Variants in HSBP1L1 observed in about 807,000 individuals in gnomAD.
The protein encoded by HSBP1L1 is heat shock factor-binding protein 1-like protein 1.
Under a neutral mutation model 9.7 loss-of-function variants are expected in HSBP1L1, and 8 were observed. The ratio of observed to expected loss-of-function variants is 0.82; its 90% CI spans 0.48 to 1.48. The LOEUF (loss-of-function observed/expected upper bound fraction) is 1.48, where lower values mean the gene tolerates loss of function less well. Among genes scored for constraint, HSBP1L1 ranks in the 40% most tolerant of loss-of-function variants. HSBP1L1 has a pLI of 0.00. For synonymous variants in HSBP1L1, 39 were observed against 34.4 expected (o/e 1.13, Z -0.46); for missense variants, 106 against 95.8 (o/e 1.11, Z -0.44).
intron 1 of HSBP1L1, among the ~76,000 whole-genome samples, chr18:79,965,750 T>G (rs1439758534): frequency 2.0e-5 from 3 of 152,080 alleles, no homozygotes; most frequent in South Asian, 2.1e-4. Context: ...GTGTGTGATC[T>G]CCTGCATTCA....
chr18:79,969,331 A>AAAGAAAGAAAGAAAGAAAG (rs1555716339), intron 3 of HSBP1L1, among the ~76,000 whole-genome samples: 1 of 71,976 alleles, frequency 1.4e-5, no homozygotes, highest in African/African-American at 5.8e-5. Flanking sequence ...GAAAGAAAGA[A>AAAGAAAGAAAGAAAGAAAG]AAAGAAAGAA....
chr18:79,965,044 AG>A (rs1415089651), intron 1 of HSBP1L1, among the ~76,000 whole-genome samples: 6 of 87,646 alleles, frequency 6.8e-5, no homozygotes, highest in Non-Finnish European at 1.1e-4. Flanking sequence ...CCTGAGGTGC[AG>A]GGGGGAGCCC....
rs561989345 is a variant in HSBP1L1, at chr18:79,970,330, C to T, written c.214-110C>T. 7.1e-6 allele frequency: 5 copies of T among 703,512 alleles called. No individual in the cohort carries two copies. In the African/African-American group the frequency reaches 8.8e-5, roughly 12 times the overall value. The allele number at this position is 703,512 out of a possible 1,614,324, so 43.6% of individuals were successfully genotyped here. On this transcript the variant is annotated intron_variant, in intron 3 of 3. Coordinates refer to ENST00000451882, the MANE Select transcript of HSBP1L1 (RefSeq NM_001136180.2). ...AGAGTCCAAATCATTATGATTTCAA[C>T]TGTACTGCAGCCACAAAGCACCAGT...
intron 3 of HSBP1L1, among the ~76,000 whole-genome samples, chr18:79,969,651 C>T (rs891359212): frequency 6.6e-6 from 1 of 152,212 alleles, no homozygotes; most frequent in Non-Finnish European, 1.5e-5. Flanking sequence ...GACACCTAAC[C>T]AAGTTTCCTG....
At chr18:79,967,982 A>T in intron 2 of HSBP1L1, 107 bp from the exon 3 acceptor site, 1 of 630,304 alleles carries the variant, frequency 1.6e-6, no homozygotes, top group Non-Finnish European at 2.8e-6. Context: ...TGATTCCCTC[A>T]TTTCAAAAGT....
intron 3 of HSBP1L1, among the ~76,000 whole-genome samples, chr18:79,969,537 G>A (rs556247619): frequency 6.6e-6 from 1 of 152,148 alleles, no homozygotes; most frequent in Non-Finnish European, 1.5e-5. Context: ...TTTTGGGTGT[G>A]GTCTGTTCAG....
chr18:79,967,147 C>CAAAAAAAAAAAAAA (rs5826682), intron 2 of HSBP1L1, among the ~76,000 whole-genome samples: 1 of 105,196 alleles, frequency 9.5e-6, no homozygotes, highest in African/African-American at 3.7e-5. Flanking sequence ...GACTCCGTCT[C>CAAAAAAAAAAAAAA]AAAAAAAAAA....
At chr18:79,968,525 T>C (rs1568356061) in intron 3 of HSBP1L1, among the ~76,000 whole-genome samples, 1 of 152,048 alleles carries the variant, frequency 6.6e-6, no homozygotes, top group Non-Finnish European at 1.5e-5. Context: ...GGGGTTTCAC[T>C]ATGTTGGCCA....
intron 1 of HSBP1L1, among the ~76,000 whole-genome samples, chr18:79,965,146 G>C (rs1202482275): frequency 6.6e-6 from 1 of 152,058 alleles, no homozygotes; most frequent in African/African-American, 2.4e-5. Context: ...CGGGGTCAGT[G>C]GGGAAACAAC....
chr18:79,964,995 GC>G (rs2051249620), intron 1 of HSBP1L1, among the ~76,000 whole-genome samples: 1 of 134,174 alleles, frequency 7.5e-6, no homozygotes, highest in Non-Finnish European at 1.6e-5. Flanking sequence ...TCCTGGGGGG[GC>G]CCCTGAAGAC....
At chr18:79,970,026 T>G (rs1403007345) in intron 3 of HSBP1L1, 1 of 175,294 alleles carries the variant, frequency 5.7e-6, no homozygotes, top group Non-Finnish European at 1.2e-5. Context: ...AGATGGGAAA[T>G]AGAATTCACT....
intron 3 of HSBP1L1, 29 bp from the exon 4 acceptor site, chr18:79,970,411 G>A (rs564051300): frequency 1.4e-4 from 99 of 718,442 alleles, no homozygotes; most frequent in Admixed American, 4.4e-4. Flanking sequence ...TAGGAGTTAC[G>A]GCCTGAACGT....
intron 1 of HSBP1L1, among the ~76,000 whole-genome samples, chr18:79,965,565 C>T (rs1467966234): frequency 6.6e-6 from 1 of 152,124 alleles, no homozygotes; most frequent in Non-Finnish European, 1.5e-5. Context: ...TGGTGTGGGA[C>T]GTCAGTCTGT....
chr18:79,966,558 C>T, intron 1 of HSBP1L1, 54 bp from the exon 2 acceptor site: 3 of 1,198,538 alleles, frequency 2.5e-6, no homozygotes, highest in Non-Finnish European at 2.3e-6. Context: ...AAAAAAAAAA[C>T]TCATATGCCA....
chr18:79,966,177 C>T lies in HSBP1L1; in HGVS notation c.52-435C>T, dbSNP rs549059850. 4.0e-5 allele frequency among the ~76,000 whole-genome samples: 6 copies of T among 149,036 alleles called. No homozygotes were observed. The South Asian group carries it at 6.2e-4, about 15-fold the overall frequency. On this transcript the variant is annotated intron_variant, in intron 1 of 3. Coordinates refer to ENST00000451882, the MANE Select transcript of HSBP1L1 (RefSeq NM_001136180.2). ...CGATCTCCTGACCTCCTGATCCACC[C>T]GCCTCGGCCTCCCAAAGTGCTGGGA...
At position 79,970,694 on chromosome 18, in the gene HSBP1L1, A is replaced by G. The variant is rs931136691; in HGVS notation, c.*243A>G. Reference sequence around the variant, plus strand: ...GGGACTTCCAGAAAACAGAACTGTGAAAAGACAAGTTTCTGTTGTTTAAAC... The same window carrying G: ...GGGACTTCCAGAAAACAGAACTGTGGAAAGACAAGTTTCTGTTGTTTAAAC... On this transcript the variant is annotated 3_prime_UTR_variant, in exon 4 of 4. Coordinates refer to ENST00000451882, the MANE Select transcript of HSBP1L1 (RefSeq NM_001136180.2). 2.0e-6 allele frequency: 1 copy of G among 497,848 alleles called. No homozygotes were observed. The highest frequency in any genetic ancestry group is 3.6e-6 in the Non-Finnish European group (1 of 274,890). 30.8% of individuals were successfully genotyped at this position (497,848 alleles called of 1,614,324 possible). A position where few individuals can be genotyped will look rare whatever the true frequency, so the allele number is the denominator to read the frequency against.
At position 79,970,496 on chromosome 18, in the gene HSBP1L1, T is replaced by C. The variant is rs945702224; in HGVS notation, c.*45T>C. 2 of 718,264 alleles carry C rather than the reference T, an allele frequency of 2.8e-6. No individual in the cohort carries two copies. Among genetic ancestry groups the C allele is most frequent in the Non-Finnish European group, 5.2e-6 (2 of 384,932 alleles). 44.5% of individuals were successfully genotyped at this position (718,264 alleles called of 1,614,324 possible). A position where few individuals can be genotyped will look rare whatever the true frequency, so the allele number is the denominator to read the frequency against. The stretch of plus-strand genomic sequence containing the variant: ...GGAGATGGGGCCTCTACAGAAGTCA[T>C]TAAGGTTACATCGGTCCTGAGGGTG... On this transcript the variant is annotated 3_prime_UTR_variant, in exon 4 of 4. Coordinates refer to ENST00000451882, the MANE Select transcript of HSBP1L1 (RefSeq NM_001136180.2).
At chr18:79,969,294 G>GAAA (rs1568356469) in intron 3 of HSBP1L1, among the ~76,000 whole-genome samples, 14 of 24,924 alleles carry the variant, frequency 5.6e-4, no homozygotes, top group African/African-American at 1.4e-3. Context: ...GAGGGAGGGA[G>GAAA]GGAGAGAGAG....
At chr18:79,966,186 C>A (rs1264187608) in intron 1 of HSBP1L1, among the ~76,000 whole-genome samples, 1 of 152,160 alleles carries the variant, frequency 6.6e-6, no homozygotes, top group Non-Finnish European at 1.5e-5. Context: ...CCGCCTCGGC[C>A]TCCCAAAGTG....
Sources: allele counts gnomAD v4.1 joint callset (sites outside exome capture counted in the v4.1 genomes callset), GRCh38; gene constraint gnomAD v4.1.1; transcripts MANE v1.5; gene names NCBI Gene and HGNC (gene_info 2026-07-23, HGNC 2026-07-21).